Variants in IKBKB observed in about 807,000 individuals in gnomAD.
The protein encoded by IKBKB is inhibitor of nuclear factor kappa-B kinase subunit beta.
A neutral mutation model predicts 113.6 loss-of-function variants in IKBKB; 42 were observed. That is an observed-to-expected ratio of 0.37 (90% CI 0.29 to 0.48). IKBKB has a LOEUF of 0.48. IKBKB is among the 20% of genes least tolerant of loss of function. The pLI is 0.99. For synonymous variants in IKBKB, 296 were observed against 361.3 expected, an observed-to-expected ratio of 0.82 and a Z score of 2.05; for missense variants, 673 against 939.7, an observed-to-expected ratio of 0.72 and a Z score of 3.71.
At chr8:42,298,456 G>A (rs1486369063) in intron 5 of IKBKB, 1 of 985,320 alleles carries the variant, frequency 1.0e-6, no homozygotes, top group African/African-American at 1.7e-5. Flanking sequence ...TTGGCTTTGG[G>A]GAAGAGAGCT....
At chr8:42,327,632 CT>C (rs746891907) in intron 20 of IKBKB, among the ~76,000 whole-genome samples, 151 of 122,834 alleles carry the variant, frequency 1.2e-3, no homozygotes, top group Admixed American at 1.6e-3. Flanking sequence ...TGCACCCAGC[CT>C]TTTTTTTTTT....
At chr8:42,307,990 G>A (rs989869015) in intron 7 of IKBKB, among the ~76,000 whole-genome samples, 4 of 152,102 alleles carry the variant, frequency 2.6e-5, no homozygotes, top group Admixed American at 1.3e-4. Context: ...CCAGCACCCC[G>A]TGCTGCCGCC....
At chr8:42,329,442 C>T (rs1471481714) in intron 21 of IKBKB, 1 of 892,770 alleles carries the variant, frequency 1.1e-6, no homozygotes, top group African/African-American at 1.8e-5. Flanking sequence ...CATGCCTCAG[C>T]CTCCTGAGTA....
At chr8:42,273,974 G>A (rs1254573191) in intron 2 of IKBKB, among the ~76,000 whole-genome samples, 3 of 152,060 alleles carry the variant, frequency 2.0e-5, no homozygotes, top group South Asian at 2.1e-4. Context: ...CTTGAAACAC[G>A]TATCCTTTTT....
chr8:42,322,158 G>A lies in IKBKB; in HGVS notation c.1838+5G>A, dbSNP rs1404512450. On this transcript the variant is annotated splice_donor_5th_base_variant and intron_variant, in intron 18 of 21. Transcript: ENST00000520810. The stretch of plus-strand genomic sequence containing the variant: ...AGTGATCTATACGCAGCTCAGGTAT[G>A]AGCCCCGACCTTCCTGCTCTGGAGG... 2 of 1,611,510 alleles carry A rather than the reference G, an allele frequency of 1.2e-6. No homozygotes were observed. Among genetic ancestry groups the A allele is most frequent in the Non-Finnish European group, 1.7e-6 (2 of 1,177,876 alleles).
At chr8:42,287,974 A>G (rs2130275066) in intron 2 of IKBKB, among the ~76,000 whole-genome samples, 1 of 152,308 alleles carries the variant, frequency 6.6e-6, no homozygotes, top group East Asian at 1.9e-4. Context: ...CTAATACAGC[A>G]GCAGCCGGGG....
At chr8:42,326,519 C>G (rs935226084) in intron 20 of IKBKB, 3 of 171,752 alleles carry the variant, frequency 1.7e-5, no homozygotes, top group Non-Finnish European at 3.7e-5. Context: ...CTCCTCTTGC[C>G]TGAACCATCG....
In IKBKB at chr8:42,330,977, T is replaced by A. The variant is rs1235903025; in HGVS notation, c.2269T>A (p.Ter757ArgextTer25). The A allele has an allele frequency of 2.5e-6, 4 of 1,614,092 alleles. No homozygotes were observed. The highest frequency in any genetic ancestry group is 3.4e-6 in the Non-Finnish European group (4 of 1,180,024). Residue 757 changes from the stop codon to arginine (R), a stop_lost, in exon 22 of 22, where the codon TGA (stop) becomes AGA (arginine). Transcript: ENST00000520810. ...GCACAGCTGCCTGGAGCAGGCCTCA[T>A]GATGTGGGGGGACTCGACCCCCTGA... The part of the protein sequence containing the change: ...EEHSCLEQAS[*>R]
In IKBKB at chr8:42,271,424, CCCCGCCCCGGGGAG is replaced by C. The variant is rs1455852097; in HGVS notation, c.-55_-42del. The C allele has an allele frequency of 1.1e-5, 15 of 1,392,598 alleles. No individual in the cohort carries two copies. The highest frequency in any genetic ancestry group is 1.5e-5 in the Non-Finnish European group (15 of 1,029,066). The allele number at this position is 1,392,598 out of a possible 1,614,324, so 86.3% of individuals were successfully genotyped here. The stretch of plus-strand genomic sequence containing the variant: ...GGTTTGGCCGCCCCAGCCCCGCCTT[CCCCGCCCCGGGGAG>C]CCCGCCCCCTGCCCCGCGTCCCTGC... On this transcript the variant is annotated 5_prime_UTR_variant, in exon 1 of 22. An upstream open reading frame in the 5' UTR loses its in-frame stop. Coordinates refer to ENST00000520810, the MANE Select transcript of IKBKB (RefSeq NM_001556.3).
intron 8 of IKBKB, among the ~76,000 whole-genome samples, chr8:42,313,593 TGTC>T: frequency 6.6e-6 from 1 of 152,342 alleles, no homozygotes; most frequent in African/African-American, 2.4e-5. Flanking sequence ...TTTATGTAAA[TGTC>T]GTATGCATGC....
rs1057741 is a variant in IKBKB, at chr8:42,331,032, A to C, written c.*53A>C. The C allele has an allele frequency of 5.0e-6, 8 of 1,609,008 alleles. No homozygotes were observed. Among genetic ancestry groups the C allele is most frequent in the African/African-American group, 2.7e-5 (2 of 74,834 alleles). ...GGGCAGCCCATAGCAGGCCTTGTGC[A>C]GTGGGGGGACTCGACCCCCTGACAT... On this transcript the variant is annotated 3_prime_UTR_variant, in exon 22 of 22. Transcript: ENST00000520810.
At chr8:42,310,684 A>G (rs1040405077) in intron 8 of IKBKB, among the ~76,000 whole-genome samples, 19 of 152,266 alleles carry the variant, frequency 1.2e-4, no homozygotes, top group African/African-American at 4.6e-4. Context: ...ATATGGAAAC[A>G]GTAAAAAAGC....
At chr8:42,291,315 G>A (rs1812589715) in intron 4 of IKBKB, among the ~76,000 whole-genome samples, 1 of 152,094 alleles carries the variant, frequency 6.6e-6, no homozygotes, top group South Asian at 2.1e-4. Flanking sequence ...CCGAGTAGCT[G>A]GGATTATAGG....
At chr8:42,274,819 A>G (rs146875037) in intron 2 of IKBKB, among the ~76,000 whole-genome samples, 2,963 of 42,068 alleles carry the variant, frequency 0.07, 146 homozygotes, top group South Asian at 0.34. Context: ...CAGCCTCCCA[A>G]AGTGCTGGGA....
At chr8:42,309,113 C>T (rs528052935) in intron 8 of IKBKB, 88 bp downstream of exon 8, 67 of 1,394,876 alleles carry the variant, frequency 4.8e-5, no homozygotes, top group Non-Finnish European at 5.8e-5. Flanking sequence ...GCCCCATCAC[C>T]GGGCCTGGGA....
chr8:42,306,808 C>T (rs1166070422), intron 7 of IKBKB, among the ~76,000 whole-genome samples: 4 of 152,208 alleles, frequency 2.6e-5, no homozygotes, highest in Non-Finnish European at 4.4e-5. Flanking sequence ...TGAGCCTGGC[C>T]GAGGCCACAC....
chr8:42,290,771 C>G (rs891951897), intron 4 of IKBKB, among the ~76,000 whole-genome samples: 3 of 152,126 alleles, frequency 2.0e-5, no homozygotes, highest in African/African-American at 7.2e-5. Context: ...CAGACCCGCC[C>G]CAATCCATCC....
intron 7 of IKBKB, among the ~76,000 whole-genome samples, chr8:42,308,559 A>G (rs1011236704): frequency 6.6e-6 from 1 of 152,022 alleles, no homozygotes; most frequent in Non-Finnish European, 1.5e-5. Context: ...CGGCCTCCCA[A>G]AGTGCTGGGA....
intron 2 of IKBKB, among the ~76,000 whole-genome samples, chr8:42,279,700 G>A (rs921087214): frequency 1.6e-4 from 24 of 152,100 alleles, no homozygotes; most frequent in African/African-American, 4.8e-4. Flanking sequence ...GCGTCTGTTC[G>A]GAACCCAACC....
Sources: allele counts gnomAD v4.1 joint callset (sites outside exome capture counted in the v4.1 genomes callset), GRCh38; gene constraint gnomAD v4.1.1; transcripts MANE v1.5; gene names NCBI Gene and HGNC (gene_info 2026-07-23, HGNC 2026-07-21).